The following TXLNB variants were observed in gnomAD, a reference collection of about 807,000 sequenced individuals.
TXLNB encodes the protein beta-taxilin.
TXLNB carries 37 observed loss-of-function variants against 57.4 expected under a neutral mutation model. The observed-to-expected ratio is 0.64, with a 90% CI of 0.50 to 0.85. The LOEUF (loss-of-function observed/expected upper bound fraction) is 0.85, where lower values mean the gene tolerates loss of function less well. TXLNB is among the 40% of genes least tolerant of loss of function. The pLI is 0.00. For synonymous variants in TXLNB, 302 were observed against 309.6 expected, an observed-to-expected ratio of 0.98 and a Z score of 0.26; for missense variants, 848 against 825.6, an observed-to-expected ratio of 1.03 and a Z score of -0.33.
the TXLNB span, among the ~76,000 whole-genome samples, chr6:139,207,980 G>A: frequency 1.2e-4 from 18 of 152,140 alleles, no homozygotes; most frequent in Non-Finnish European, 1.5e-4. Context: ...GGAGGCTGAC[G>A]TATGAGAATT....
At chr6:139,193,416 A>G in the TXLNB span, among the ~76,000 whole-genome samples, 1 of 151,988 alleles carries the variant, frequency 6.6e-6, no homozygotes, top group Non-Finnish European at 1.5e-5. Context: ...TGAAACAAAC[A>G]TCTATTTCTT....
the TXLNB span, among the ~76,000 whole-genome samples, chr6:139,300,303 T>C: frequency 2.0e-5 from 3 of 152,202 alleles, no homozygotes; most frequent in Non-Finnish European, 2.9e-5. Flanking sequence ...CTATGTGTGG[T>C]CTTTTTCTCT....
At chr6:139,312,907 A>C in the TXLNB span, among the ~76,000 whole-genome samples, 2 of 152,108 alleles carry the variant, frequency 1.3e-5, no homozygotes, top group Admixed American at 6.5e-5. Flanking sequence ...TGTTTACTAT[A>C]CTTTTCCTGG....
chr6:139,270,893 T>C (rs766366185), intron 3 of TXLNB, among the ~76,000 whole-genome samples: 12 of 152,214 alleles, frequency 7.9e-5, no homozygotes, highest in Non-Finnish European at 1.8e-4. Context: ...AGAAATATTT[T>C]TCCTGAGTCT....
chr6:139,198,451 C>T, the TXLNB span, among the ~76,000 whole-genome samples: 1 of 152,040 alleles, frequency 6.6e-6, no homozygotes, highest in Non-Finnish European at 1.5e-5. Flanking sequence ...TCCTGAGGAC[C>T]CTGGAGCCAG....
chr6:139,208,079 CA>C, the TXLNB span, among the ~76,000 whole-genome samples: 246 of 143,158 alleles, frequency 1.7e-3, 1 homozygote, highest in African/African-American at 6.0e-3. Flanking sequence ...CAGTCTCAAA[CA>C]AAAAAAAAGA....
the TXLNB span, among the ~76,000 whole-genome samples, chr6:139,209,390 A>G: frequency 6.6e-6 from 1 of 152,222 alleles, no homozygotes; most frequent in South Asian, 2.1e-4. Flanking sequence ...CTACAGATTT[A>G]ATGCAATTCC....
the TXLNB span, among the ~76,000 whole-genome samples, chr6:139,217,879 A>AG: frequency 1.3e-4 from 20 of 151,848 alleles, no homozygotes; most frequent in South Asian, 2.1e-4. Flanking sequence ...AAAAAAAAAA[A>AG]AAAAAAAAGA....
intron 5 of TXLNB, among the ~76,000 whole-genome samples, chr6:139,261,942 C>T (rs1403633524): frequency 7.8e-6 from 1 of 129,010 alleles, no homozygotes; most frequent in Non-Finnish European, 1.5e-5. Context: ...CTCACACTGT[C>T]GCCTGGGCTG....
chr6:139,211,069 A>T, the TXLNB span, among the ~76,000 whole-genome samples: 1 of 152,192 alleles, frequency 6.6e-6, no homozygotes. Flanking sequence ...GCACAGACAA[A>T]CAAGAGACAG....
downstream of TXLNB, among the ~76,000 whole-genome samples, chr6:139,236,026 G>C (rs960642201): frequency 1.3e-5 from 2 of 152,116 alleles, no homozygotes; most frequent in Non-Finnish European, 2.9e-5. Context: ...CCTGACTCCA[G>C]GGGAAGACAC....
chr6:139,254,976 G>A (rs990716168), intron 7 of TXLNB, among the ~76,000 whole-genome samples: 3 of 151,980 alleles, frequency 2.0e-5, no homozygotes, highest in Non-Finnish European at 2.9e-5. Context: ...ATGCTACCAC[G>A]CCTGGCTAAT....
Position 139,264,480 on chromosome 6 carries a change from T to A in TXLNB, c.688-1707A>T, listed in dbSNP as rs1359777249. Among the ~76,000 whole-genome samples, 6 of 152,170 alleles carry A rather than the reference T, an allele frequency of 3.9e-5. No individual in the cohort carries two copies. The East Asian group carries it at 1.2e-3, about 29-fold the overall frequency. ...ATGATAGGATGGCACTAAATAAATGTCAAACAAACAATCATAACCGCCAAT... is the reference window on the plus strand; with the variant it reads ...ATGATAGGATGGCACTAAATAAATGACAAACAAACAATCATAACCGCCAAT... On this transcript the variant is annotated intron_variant, in intron 4 of 9. Transcript: ENST00000358430.
At chr6:139,279,121 T>C (rs572668867) in intron 2 of TXLNB, among the ~76,000 whole-genome samples, 2 of 152,384 alleles carry the variant, frequency 1.3e-5, no homozygotes, top group East Asian at 3.9e-4. Context: ...TGATGTTTTA[T>C]GTATCCTGGA....
At chr6:139,310,544 CTCTG>C in the TXLNB span, among the ~76,000 whole-genome samples, 21 of 152,376 alleles carry the variant, frequency 1.4e-4, no homozygotes, top group African/African-American at 4.3e-4. Context: ...CACTCTATCT[CTCTG>C]TCTAATTCCG....
chr6:139,227,232 A>G, the TXLNB span, among the ~76,000 whole-genome samples: 57 of 151,856 alleles, frequency 3.8e-4, 1 homozygote, highest in African/African-American at 1.3e-3. Context: ...CCAGTTACTC[A>G]GGAGGCTGAG....
chr6:139,211,073 G>A, the TXLNB span, among the ~76,000 whole-genome samples: 1 of 152,214 alleles, frequency 6.6e-6, no homozygotes, highest in East Asian at 1.9e-4. Context: ...AGACAAACAA[G>A]AGACAGCAAT....
At chr6:139,208,087 AAG>A in the TXLNB span, among the ~76,000 whole-genome samples, 9 of 152,096 alleles carry the variant, frequency 5.9e-5, no homozygotes, top group East Asian at 1.5e-3. Context: ...AACAAAAAAA[AAG>A]AGAGAGAGAG....
intron 5 of TXLNB, among the ~76,000 whole-genome samples, chr6:139,261,367 G>A (rs191665251): frequency 6.6e-6 from 1 of 152,192 alleles, no homozygotes; most frequent in Admixed American, 6.5e-5. Flanking sequence ...TTACTATTAG[G>A]AGTTTCTTGA....
Sources: allele counts gnomAD v4.1 joint callset (sites outside exome capture counted in the v4.1 genomes callset), GRCh38; gene constraint gnomAD v4.1.1; transcripts MANE v1.5; gene names NCBI Gene and HGNC (gene_info 2026-07-23, HGNC 2026-07-21).